PPARA: variants seen among roughly 807,000 people sequenced by gnomAD.
PPARA encodes peroxisome proliferator-activated receptor alpha.
Under a neutral mutation model 42.2 loss-of-function variants are expected in PPARA, and 22 were observed. The observed-to-expected ratio is 0.52, with a 90% CI of 0.37 to 0.74. The LOEUF (loss-of-function observed/expected upper bound fraction) is 0.74, where lower values mean the gene tolerates loss of function less well. Among genes scored for constraint, PPARA ranks in the 30% least tolerant of loss-of-function variants. PPARA has a pLI of 0.00. For synonymous variants in PPARA, 242 were observed against 239.3 expected (o/e 1.01, Z -0.10); for missense variants, 465 against 608.2 (o/e 0.76, Z 2.48).
chr22:46,198,928 GGATTATAGGCGTGA>G (rs1932688747), intron 4 of PPARA, among the ~76,000 whole-genome samples: 1 of 152,012 alleles, frequency 6.6e-6, no homozygotes, highest in Non-Finnish European at 1.5e-5. Context: ...TAAAGTGCTG[GGATTATAGGCGTGA>G]GCCACCGCGC....
chr22:46,201,251 C>T (rs961393632), intron 4 of PPARA, among the ~76,000 whole-genome samples: 4 of 152,086 alleles, frequency 2.6e-5, no homozygotes, highest in African/African-American at 4.8e-5. Context: ...GGCATGATCG[C>T]GCCTTGTAAA....
intron 2 of PPARA, among the ~76,000 whole-genome samples, chr22:46,153,563 C>T (rs961306168): frequency 4.6e-5 from 7 of 152,024 alleles, no homozygotes; most frequent in Admixed American, 2.6e-4. Flanking sequence ...AACTTATGAA[C>T]AGAGTTTTAA....
chr22:46,166,249 T>G (rs1927035167), intron 2 of PPARA, among the ~76,000 whole-genome samples: 1 of 152,204 alleles, frequency 6.6e-6, no homozygotes, highest in Non-Finnish European at 1.5e-5. Flanking sequence ...GTCAGTTTCA[T>G]GCACAGACTG....
chr22:46,173,812 A>G lies in PPARA; in HGVS notation c.-126-2941A>G, dbSNP rs754377267. Reference sequence around the variant, plus strand: ...GTAGGAGCACACTGCCATTCTTAGCAAACGTGTAGTTTAGTATTTAGGAGA... The same window carrying G: ...GTAGGAGCACACTGCCATTCTTAGCGAACGTGTAGTTTAGTATTTAGGAGA... On this transcript the variant is annotated intron_variant, in intron 2 of 8. Transcript: ENST00000407236. The surrounding 1 kb of genome is among the most constrained non-coding windows in gnomAD (Gnocchi z 4.3). Among the ~76,000 whole-genome samples the G allele has an allele frequency of 1.3e-4, 20 of 152,238 alleles. No individual in the cohort carries two copies. The highest frequency in any genetic ancestry group is 2.6e-4 in the Admixed American group (4 of 15,276).
chr22:46,158,574 G>A (rs541934014), intron 2 of PPARA, among the ~76,000 whole-genome samples: 4 of 152,328 alleles, frequency 2.6e-5, no homozygotes, highest in South Asian at 2.1e-4. Flanking sequence ...ATTTAAATGC[G>A]TGTTTATAAT....
chr22:46,157,529 G>A (rs1569181578), intron 2 of PPARA, among the ~76,000 whole-genome samples: 1 of 152,322 alleles, frequency 6.6e-6, no homozygotes, highest in South Asian at 2.1e-4. Flanking sequence ...GAGGGCTGCC[G>A]CTGAAAGGGT....
chr22:46,155,981 A>G (rs760460718), intron 2 of PPARA: 4 of 152,182 alleles, frequency 2.6e-5, no homozygotes, highest in East Asian at 1.9e-4. Context: ...TGCTTTTAGG[A>G]TATTTAATTA....
In PPARA at chr22:46,224,126, T is replaced by C. The variant is rs939467625; in HGVS notation, c.711+4112T>C. Among the ~76,000 whole-genome samples the C allele has an allele frequency of 6.6e-6, 1 of 152,126 alleles. No individual in the cohort carries two copies. The highest frequency in any genetic ancestry group is 1.5e-5 in the Non-Finnish European group (1 of 68,020). On this transcript the variant is annotated intron_variant, in intron 7 of 8. Coordinates refer to ENST00000407236, the MANE Select transcript of PPARA (RefSeq NM_005036.6). The surrounding 1 kb of genome is among the most constrained non-coding windows in gnomAD (Gnocchi z 5.7). ...CAGTTTTCAAGGCAACCTCCAACCATCATGTGACTCTTTGTGTTTGATCAC... is the reference window on the plus strand; with the variant it reads ...CAGTTTTCAAGGCAACCTCCAACCACCATGTGACTCTTTGTGTTTGATCAC...
Position 46,219,943 on chromosome 22 carries a change from T to C in PPARA, c.640T>C (p.Tyr214His). 6.2e-7 allele frequency: 1 copy of C among 1,614,218 alleles called. No homozygotes were observed. Among genetic ancestry groups the C allele is most frequent in the Non-Finnish European group, 8.5e-7 (1 of 1,180,042 alleles). The stretch of plus-strand genomic sequence containing the variant: ...TCTGGCCAAGAGAATCTACGAGGCC[T>C]ACTTGAAGAACTTCAACATGAACAA... Reference protein sequence around the residue: ...KSLAKRIYEAYLKNFNMNKVK... With the variant: ...KSLAKRIYEAHLKNFNMNKVK... The change falls in exon 7 of 9, where the codon TAC becomes CAC. Residue 214 changes from tyrosine to histidine, a missense_variant. By Grantham distance (83) the Tyr-to-His change is moderately conservative. Transcript: ENST00000407236. The surrounding 1 kb of genome is among the most constrained non-coding windows in gnomAD (Gnocchi z 4.8).
At position 46,240,573 on chromosome 22, in the gene PPARA, C is replaced by T. The variant is rs7286168; in HGVS notation, c.*5193C>T. The T allele has an allele frequency of 0.074, 17,288 of 232,574 alleles. 3,030 individuals carry two copies. The highest frequency in any genetic ancestry group is 0.36 in the African/African-American group (16,086 of 44,600). 14.4% of individuals were successfully genotyped at this position (232,574 alleles called of 1,614,324 possible). A position where few individuals can be genotyped will look rare whatever the true frequency, so the allele number is the denominator to read the frequency against. ...AAAAGTAGTATAGATTCAGGAGAGG[C>T]AAGAAAATTATGCTGTCCATAGAAG... On this transcript the variant is annotated 3_prime_UTR_variant, in exon 9 of 9. Transcript: ENST00000407236. This position sits in a 1 kb window ranked among gnomAD's most constrained non-coding sequence, Gnocchi z 6.0.
chr22:46,215,756 GAAAAAA>G (rs1178384992), intron 5 of PPARA, among the ~76,000 whole-genome samples: 1 of 151,228 alleles, frequency 6.6e-6, no homozygotes, highest in South Asian at 2.1e-4. Flanking sequence ...AAAAAAGAAA[GAAAAAA>G]AGAAAAAGAA....
chr22:46,192,948 T>C lies in PPARA; in HGVS notation c.-42-5394T>C, dbSNP rs1735578205. ...ATCAAATCACTTGAACTCAGAGAGATTAGAAGGATGGTTACCAGAGGCTGG... is the reference window on the plus strand; with the variant it reads ...ATCAAATCACTTGAACTCAGAGAGACTAGAAGGATGGTTACCAGAGGCTGG... On this transcript the variant is annotated intron_variant, in intron 3 of 8. Coordinates refer to ENST00000407236, the MANE Select transcript of PPARA (RefSeq NM_005036.6). This position sits in a 1 kb window ranked among gnomAD's most constrained non-coding sequence, Gnocchi z 4.3. 6.6e-6 allele frequency among the ~76,000 whole-genome samples: 1 copy of C among 152,054 alleles called. No homozygotes were observed. The highest frequency in any genetic ancestry group is 2.4e-5 in the African/African-American group (1 of 41,394).
chr22:46,176,615 T>C (rs934705054), intron 2 of PPARA, 138 bp from the exon 3 acceptor site: 3 of 152,268 alleles, frequency 2.0e-5, no homozygotes, highest in African/African-American at 7.2e-5. Context: ...ATGGTCTGTC[T>C]AGGTGAATGT....
chr22:46,157,093 T>G (rs1041689453), intron 2 of PPARA, among the ~76,000 whole-genome samples: 2 of 152,196 alleles, frequency 1.3e-5, no homozygotes, highest in African/African-American at 4.8e-5. Flanking sequence ...CGGTGCTGCC[T>G]GCACCCCTGT....
intron 4 of PPARA, among the ~76,000 whole-genome samples, chr22:46,202,640 T>C (rs1932896690): frequency 6.6e-6 from 1 of 152,066 alleles, no homozygotes; most frequent in African/African-American, 2.4e-5. Context: ...ATATTTCTTA[T>C]GATCCAATTA....
rs1934483024 is a variant in PPARA, at chr22:46,216,324, A to G, written c.369+991A>G. On this transcript the variant is annotated intron_variant, in intron 5 of 8. Coordinates refer to ENST00000407236, the MANE Select transcript of PPARA (RefSeq NM_005036.6). This position sits in a 1 kb window ranked among gnomAD's most constrained non-coding sequence, Gnocchi z 4.5. ...CTTGAACTCAGGAGGCGGAGGTTGC[A>G]GTGAGCTGAGATCGAGCCATTTCAC... 6.6e-6 allele frequency among the ~76,000 whole-genome samples: 1 copy of G among 151,562 alleles called. No homozygotes were observed. The highest frequency in any genetic ancestry group is 1.5e-5 in the Non-Finnish European group (1 of 67,924).
Position 46,240,262 on chromosome 22 carries a change from TCAGCCTCCATTTTAAAATGAAAACAC to T in PPARA, c.*4892_*4917del. 2.5e-6 allele frequency: 1 copy of T among 398,624 alleles called. No individual in the cohort carries two copies. The allele number at this position is 398,624 out of a possible 1,614,324, so 24.7% of individuals were successfully genotyped here. On this transcript the variant is annotated 3_prime_UTR_variant, in exon 9 of 9. Coordinates refer to ENST00000407236, the MANE Select transcript of PPARA (RefSeq NM_005036.6). This position sits in a 1 kb window ranked among gnomAD's most constrained non-coding sequence, Gnocchi z 6.0. ...AGCTGTTTGAGGGGGTAACAGCAAA[TCAGCCTCCATTTTAAAATGAAAACAC>T]CAGCCTCCAGATGTAGGGCCTGCTG... is the stretch of plus-strand genomic sequence containing the variant.
At chr22:46,189,136 A>G (rs1931213972) in intron 3 of PPARA, among the ~76,000 whole-genome samples, 1 of 152,210 alleles carries the variant, frequency 6.6e-6, no homozygotes, top group African/African-American at 2.4e-5. Flanking sequence ...CTCTCGGCCT[A>G]CTCTAATTTG....
At chr22:46,201,983 T>A (rs1222270088) in intron 4 of PPARA, among the ~76,000 whole-genome samples, 1 of 152,208 alleles carries the variant, frequency 6.6e-6, no homozygotes, top group Non-Finnish European at 1.5e-5. Flanking sequence ...AAAAATATAG[T>A]TCATTGTCTA....
Sources: gnomAD v4.1 joint callset for allele counts (sites outside exome capture counted in the v4.1 genomes callset) on GRCh38, gnomAD v4.1.1 for gene constraint, Gnocchi (gnomAD v3.1) non-coding constraint, MANE v1.5 for transcripts, NCBI Gene and HGNC (gene_info 2026-07-23, HGNC 2026-07-21) for gene names.